The following B3GALT1 variants were observed in gnomAD, a reference collection of about 807,000 sequenced individuals.
The protein encoded by B3GALT1 is beta-1,3-galactosyltransferase 1.
B3GALT1 carries 10 observed loss-of-function variants against 23.2 expected under a neutral mutation model. The observed-to-expected ratio is 0.43, with a 90% CI of 0.27 to 0.73. The LOEUF is 0.73. Ranked by LOEUF, B3GALT1 falls within the 30% of genes least tolerant of loss-of-function variation. The pLI is 0.21. For missense variants in B3GALT1, 299 were observed against 405.4 expected (o/e 0.74, Z 2.25); for synonymous variants, 156 against 141.5 (o/e 1.10, Z -0.73).
intron 1 of B3GALT1, among the ~76,000 whole-genome samples, chr2:167,481,842 T>C (rs1260872042): frequency 6.6e-6 from 1 of 152,346 alleles, no homozygotes. Context: ...AGCACTCTGT[T>C]ACATGCCCAA....
At chr2:167,854,834 G>A (rs891782418) in intron 4 of B3GALT1, among the ~76,000 whole-genome samples, 3 of 152,224 alleles carry the variant, frequency 2.0e-5, no homozygotes, top group East Asian at 1.9e-4. Context: ...TAGTCACATC[G>A]CTAGTAAGGG....
At chr2:167,845,135 C>G (rs1382044339) in intron 4 of B3GALT1, among the ~76,000 whole-genome samples, 1 of 152,128 alleles carries the variant, frequency 6.6e-6, no homozygotes, top group African/African-American at 2.4e-5. Context: ...CCACTGCCCC[C>G]ACCTGATGCT....
intron 3 of B3GALT1, among the ~76,000 whole-genome samples, chr2:167,780,245 T>A (rs1217393060): frequency 6.6e-6 from 1 of 152,228 alleles, no homozygotes; most frequent in Non-Finnish European, 1.5e-5. Context: ...GGTATTGCAT[T>A]GCACACAATG....
intron 2 of B3GALT1, among the ~76,000 whole-genome samples, chr2:167,631,782 T>G (rs1228082322): frequency 6.7e-6 from 1 of 150,090 alleles, no homozygotes; most frequent in African/African-American, 2.4e-5. Flanking sequence ...TTTTTTTTTT[T>G]TTTTTTACTT....
At chr2:167,606,792 A>G (rs1053363857) in intron 2 of B3GALT1, among the ~76,000 whole-genome samples, 6 of 152,338 alleles carry the variant, frequency 3.9e-5, no homozygotes, top group Middle Eastern at 3.4e-3. Context: ...AAGAACAGTT[A>G]TGGGATGGGT....
At chr2:167,638,247 T>C (rs563391446) in intron 2 of B3GALT1, among the ~76,000 whole-genome samples, 1 of 152,202 alleles carries the variant, frequency 6.6e-6, no homozygotes, top group African/African-American at 2.4e-5. Context: ...AAATGTGTTT[T>C]AGGCTATTGT....
At chr2:167,485,043 G>T (rs1454564536) in intron 1 of B3GALT1, among the ~76,000 whole-genome samples, 1 of 152,008 alleles carries the variant, frequency 6.6e-6, no homozygotes, top group Admixed American at 6.6e-5. Flanking sequence ...GAATTCCAAA[G>T]GGAAGAGAGT....
chr2:167,675,194 C>T (rs886727295), intron 3 of B3GALT1, among the ~76,000 whole-genome samples: 3 of 152,150 alleles, frequency 2.0e-5, no homozygotes, highest in African/African-American at 4.8e-5. Flanking sequence ...TACTTGGAAA[C>T]GTTAAAATCA....
At chr2:167,808,671 T>C (rs1688813374) in intron 3 of B3GALT1, among the ~76,000 whole-genome samples, 1 of 151,618 alleles carries the variant, frequency 6.6e-6, no homozygotes, top group Non-Finnish European at 1.5e-5. Flanking sequence ...TCTGATGGGC[T>C]TCCCTTTGTG....
At chr2:167,408,869 GACAC>G (rs1223782950) in intron 1 of B3GALT1, among the ~76,000 whole-genome samples, 2 of 148,382 alleles carry the variant, frequency 1.3e-5, no homozygotes, top group African/African-American at 2.5e-5. Context: ...AATTGAAGAA[GACAC>G]ACACACAAAA....
chr2:167,644,946 G>C (rs1685720154), intron 2 of B3GALT1, among the ~76,000 whole-genome samples: 1 of 152,048 alleles, frequency 6.6e-6, no homozygotes. Flanking sequence ...TTGATCTAAA[G>C]TGCTTAATTG....
intron 3 of B3GALT1, among the ~76,000 whole-genome samples, chr2:167,800,426 C>A (rs182857696): frequency 5.9e-5 from 9 of 152,314 alleles, no homozygotes; most frequent in Admixed American, 5.9e-4. Context: ...CCTCCCCACA[C>A]CCATTATCAT....
intron 2 of B3GALT1, among the ~76,000 whole-genome samples, chr2:167,635,203 A>G (rs1685527753): frequency 6.6e-6 from 1 of 152,164 alleles, no homozygotes; most frequent in African/African-American, 2.4e-5. Flanking sequence ...ACGTATCTCA[A>G]AAAATAAGAG....
intron 3 of B3GALT1, among the ~76,000 whole-genome samples, chr2:167,749,294 A>C (rs1428194717): frequency 6.6e-6 from 1 of 152,172 alleles, no homozygotes; most frequent in East Asian, 1.9e-4. Context: ...TTGCAGTGTC[A>C]TATCCGTTCT....
At chr2:167,669,753 A>T (rs149015784) in intron 3 of B3GALT1, among the ~76,000 whole-genome samples, 1 of 152,312 alleles carries the variant, frequency 6.6e-6, no homozygotes, top group East Asian at 1.9e-4. Flanking sequence ...GATGATATAT[A>T]TAAGAGAGAC....
chr2:167,333,642 T>C (rs1697010879), intron 1 of B3GALT1, among the ~76,000 whole-genome samples: 1 of 152,202 alleles, frequency 6.6e-6, no homozygotes, highest in Non-Finnish European at 1.5e-5. Context: ...GTCAGGGAAC[T>C]GTATAAGTAA....
chr2:167,739,564 A>G (rs781558054), intron 3 of B3GALT1, among the ~76,000 whole-genome samples: 2 of 152,312 alleles, frequency 1.3e-5, no homozygotes, highest in African/African-American at 2.4e-5. Context: ...GGTATTTAGC[A>G]TTAGCATTTT....
At position 167,645,889 on chromosome 2, in the gene B3GALT1, G is replaced by A. The variant is rs563993325; in HGVS notation, c.-409-1020G>A. On this transcript the variant is annotated intron_variant, in intron 2 of 4. Coordinates refer to ENST00000392690, the MANE Select transcript of B3GALT1 (RefSeq NM_020981.4). The stretch of plus-strand genomic sequence containing the variant: ...CCCGGCCCAATAAAAATGTGTACTT[G>A]GGGTGGGAGTGGGTGATTGCGGTGT... 4.6e-5 allele frequency among the ~76,000 whole-genome samples: 7 copies of A among 152,022 alleles called. No individual in the cohort carries two copies. The South Asian group carries it at 1.5e-3, about 32-fold the overall frequency.
At chr2:167,600,485 C>A (rs988413488) in intron 2 of B3GALT1, among the ~76,000 whole-genome samples, 1 of 152,168 alleles carries the variant, frequency 6.6e-6, no homozygotes, top group African/African-American at 2.4e-5. Flanking sequence ...AGACAATTAT[C>A]ATCACCTCAA....
Sources: allele counts gnomAD v4.1 joint callset (sites outside exome capture counted in the v4.1 genomes callset), GRCh38; gene constraint gnomAD v4.1.1; transcripts MANE v1.5; gene names NCBI Gene and HGNC (gene_info 2026-07-23, HGNC 2026-07-21).